The following KCNK16 variants were observed in gnomAD, a reference collection of about 807,000 sequenced individuals.
The protein encoded by KCNK16 is potassium channel subfamily K member 16.
KCNK16 carries 23 observed loss-of-function variants against 23.0 expected under a neutral mutation model. The ratio of observed to expected loss-of-function variants is 1.00; its 90% CI spans 0.72 to 1.41. The LOEUF is 1.41. KCNK16 is among the 40% of genes most tolerant of loss of function. The pLI, the probability that KCNK16 is intolerant of heterozygous loss-of-function variation, is 0.00. For missense variants in KCNK16, 327 were observed against 365.8 expected, an observed-to-expected ratio of 0.89 and a Z score of 0.87; for synonymous variants, 145 against 153.5, an observed-to-expected ratio of 0.94 and a Z score of 0.41.
chr6:39,315,540 G>A (rs1762279226), downstream of KCNK16: 3 of 971,896 alleles, frequency 3.1e-6, no homozygotes, highest in South Asian at 5.3e-5. Flanking sequence ...GAGCTGGCGA[G>A]CTTTGAGAGG....
Position 39,319,746 on chromosome 6 carries a change from A to AGTGTGTGTGTGTGT in KCNK16, c.214-627_214-614dup, listed in dbSNP as rs146841804. ...GGCCAAGACAAAGGTGGCACGTGTG[A>AGTGTGTGTGTGTGT]GTGTGTGTGTGTGTGTGTGTGTGTG... On this transcript the variant is annotated intron_variant, in intron 1 of 4. Coordinates refer to ENST00000437525, the MANE Select transcript of KCNK16 (RefSeq NM_001135106.2). The surrounding 1 kb of genome is among the most constrained non-coding windows in gnomAD (Gnocchi z 4.2). Among the ~76,000 whole-genome samples, 1 of 148,276 alleles carries AGTGTGTGTGTGTGT rather than the reference A, an allele frequency of 6.7e-6. No individual in the cohort carries two copies.
chr6:39,322,137 A>G (rs1029677077), intron 1 of KCNK16, among the ~76,000 whole-genome samples, 191 bp downstream of exon 1: 13 of 152,242 alleles, frequency 8.5e-5, no homozygotes, highest in African/African-American at 3.1e-4. Context: ...GTTCAAGGTC[A>G]CACATCAATC....
chr6:39,314,819 T>C (rs1330258069), downstream of KCNK16: 2 of 630,450 alleles, frequency 3.2e-6, no homozygotes, highest in Non-Finnish European at 5.5e-6. Flanking sequence ...CTCCCACACC[T>C]CTGTCCTTTC....
Position 39,322,330 on chromosome 6 carries a change from G to C in KCNK16, c.211C>G (p.Gln71Glu). ...LDQWAMEQFV[Q>E]VIMEAWVKGV... The stretch of plus-strand genomic sequence containing the variant: ...AATCCCACATCGCTCCCCTTCACCT[G>C]CACAAACTGCTCCATGGCCCACTGG... The change falls in exon 1 of 5, where the codon CAG becomes GAG. Residue 71 changes from glutamine (Q) to glutamate (E), a missense_variant and splice_region_variant. By Grantham distance (29) the Gln-to-Glu change is conservative. Transcript: ENST00000437525. 6.2e-7 allele frequency: 1 copy of C among 1,612,028 alleles called. No homozygotes were observed. Among genetic ancestry groups the C allele is most frequent in the Non-Finnish European group, 8.5e-7 (1 of 1,178,296 alleles).
chr6:39,317,671 AG>A, intron 3 of KCNK16, 114 bp downstream of exon 3: 1 of 1,157,926 alleles, frequency 8.6e-7, no homozygotes. Flanking sequence ...CCTCTTTCAC[AG>A]GCATCTACCC....
At chr6:39,317,474 G>A (rs1762361089) in intron 3 of KCNK16, among the ~76,000 whole-genome samples, 1 of 152,222 alleles carries the variant, frequency 6.6e-6, no homozygotes, top group African/African-American at 2.4e-5. Context: ...TGGCCTAGGG[G>A]CATACCCTTC....
In KCNK16 at chr6:39,316,192, G is replaced by A; in HGVS notation, c.*27C>T. On this transcript the variant is annotated 3_prime_UTR_variant, in exon 5 of 5. Coordinates refer to ENST00000437525, the MANE Select transcript of KCNK16 (RefSeq NM_001135106.2). ...TAGGGTGGGACTGGGGAGGATGAAAGGGGTTTCTGGGCCCCCCCCGGGGGC... is the reference window on the plus strand; with the variant it reads ...TAGGGTGGGACTGGGGAGGATGAAAAGGGTTTCTGGGCCCCCCCCGGGGGC... 2.0e-6 allele frequency: 3 copies of A among 1,496,654 alleles called. No individual in the cohort carries two copies. The highest frequency in any genetic ancestry group is 2.4e-4 in the Middle Eastern group (1 of 4,208). 92.7% of individuals were successfully genotyped at this position (1,496,654 alleles called of 1,614,324 possible).
At chr6:39,320,761 T>C (rs529469486) in intron 1 of KCNK16, among the ~76,000 whole-genome samples, 20 of 152,266 alleles carry the variant, frequency 1.3e-4, no homozygotes, top group Admixed American at 1.1e-3. Flanking sequence ...TCCTTTCGTC[T>C]TGGTTAGCAG....
upstream of KCNK16, chr6:39,322,807 C>A: frequency 2.1e-6 from 1 of 473,978 alleles, no homozygotes; most frequent in South Asian, 3.7e-5. Context: ...TGTCAGGGAC[C>A]CTTCAAAGAG....
intron 2 of KCNK16, 29 bp downstream of exon 2, chr6:39,318,990 G>T: frequency 6.7e-7 from 1 of 1,482,704 alleles, no homozygotes; most frequent in Non-Finnish European, 9.4e-7. Context: ...GGGGCCTTGG[G>T]GAAGCTCTTC....
In KCNK16 at chr6:39,317,919, C is replaced by T. The variant is rs752291230; in HGVS notation, c.362G>A (p.Gly121Asp). 5 of 1,611,898 alleles carry T rather than the reference C, an allele frequency of 3.1e-6. No homozygotes were observed. The highest frequency in any genetic ancestry group is 1.6e-4 in the Middle Eastern group (1 of 6,074). Residue 121 changes from glycine to aspartate, a missense_variant, in exon 3 of 5, where the codon GGT (glycine) becomes GAT (aspartate). Transcript: ENST00000437525. ...GGCATAGAAGACACAGAAGACCTGA[C>T]CTGCCTCTGTGCTGGGTGCCAGGTT... ...YGNLAPSTEA[G>D]QVFCVFYALL...
Position 39,316,252 on chromosome 6 carries a change from G to A in KCNK16, c.852C>T (p.Leu284=). 6.4e-7 allele frequency: 1 copy of A among 1,566,506 alleles called. No individual in the cohort carries two copies. Among genetic ancestry groups the A allele is most frequent in the Non-Finnish European group, 8.6e-7 (1 of 1,156,266 alleles). The change falls in exon 5 of 5, where the codon CTC becomes CTT. Residue 284 remains leucine (L), a synonymous_variant. Transcript: ENST00000437525. ...AGATGGGGATCTTCTGAGGCCTGGG[G>A]AGCCCACTGGGGTCAGAGGCTGCCC... ...KDGAASDPSG[L]PRPQKIPISA
rs982654719 is a variant in KCNK16 at position 39,317,657 on chromosome 6, C to G, written c.495+129G>C. 2.8e-6 allele frequency: 3 copies of G among 1,059,004 alleles called. No homozygotes were observed. The African/African-American group carries it at 4.9e-5, about 17-fold the overall frequency. 65.6% of individuals were successfully genotyped at this position (1,059,004 alleles called of 1,614,324 possible). A position where few individuals can be genotyped will look rare whatever the true frequency, so the allele number is the denominator to read the frequency against. Reference sequence around the variant, plus strand: ...CCACTCTGCCCAACCCTGCCTTCACCCTTCCTCTTTCACAGGCATCTACCC... The same window carrying G: ...CCACTCTGCCCAACCCTGCCTTCACGCTTCCTCTTTCACAGGCATCTACCC... On this transcript the variant is annotated intron_variant, in intron 3 of 4. Transcript: ENST00000437525.
Position 39,322,415 on chromosome 6 carries a change from C to T in KCNK16, c.126G>A (p.Gln42=). ...FQLLERQAEA[Q]SRDQFQLEKL... ...TCTCCAACTGAAACTGGTCCCTGGA[C>T]TGAGCCTCCGCCTGCCTCTCTAGCA... The change falls in exon 1 of 5, where the codon CAG becomes CAA. Residue 42 remains glutamine (Q), a synonymous_variant. Transcript: ENST00000437525. The T allele has an allele frequency of 1.2e-6, 2 of 1,613,922 alleles. No homozygotes were observed. Among genetic ancestry groups the T allele is most frequent in the Non-Finnish European group, 1.7e-6 (2 of 1,179,978 alleles).
rs1762554437 is a variant in KCNK16 at position 39,322,581 on chromosome 6, G to C, written c.-41C>G. The C allele has an allele frequency of 1.9e-6, 3 of 1,540,976 alleles. No homozygotes were observed. Among genetic ancestry groups the C allele is most frequent in the Non-Finnish European group, 2.6e-6 (3 of 1,147,674 alleles). On this transcript the variant is annotated 5_prime_UTR_variant, in exon 1 of 5. Transcript: ENST00000437525. ...CTGCCAGGGCCGTGGGGCTGGCTATGGGGGAGAGGTGGGAAACAGGTGAGG... is the reference window on the plus strand; with the variant it reads ...CTGCCAGGGCCGTGGGGCTGGCTATCGGGGAGAGGTGGGAAACAGGTGAGG...
At position 39,319,449 on chromosome 6, in the gene KCNK16, G is replaced by A. The variant is rs985176044; in HGVS notation, c.214-316C>T. Among the ~76,000 whole-genome samples, 6 of 152,082 alleles carry A rather than the reference G, an allele frequency of 3.9e-5. No individual in the cohort carries two copies. The highest frequency in any genetic ancestry group is 2.0e-4 in the Admixed American group (3 of 15,274). On this transcript the variant is annotated intron_variant, in intron 1 of 4. Transcript: ENST00000437525. This position sits in a 1 kb window ranked among gnomAD's most constrained non-coding sequence, Gnocchi z 4.2. ...GTGAGGTGGAGGATGCTCAGGGAGG[G>A]GTCCCGTGGGAGATGCTGCTGGTGG...
At chr6:39,316,647 A>G (rs1762329665) in intron 4 of KCNK16, 135 bp downstream of exon 4, 1 of 1,237,162 alleles carries the variant, frequency 8.1e-7, no homozygotes, top group African/African-American at 1.5e-5. Flanking sequence ...GTAGTCCCAG[A>G]AATCATTGGT....
Position 39,322,348 on chromosome 6 carries a change from C to T in KCNK16, c.193G>A (p.Ala65Thr). ...TTCACCTGCACAAACTGCTCCATGGCCCACTGGTCCAGGCAGGTGTAGTTC... is the reference window on the plus strand; with the variant it reads ...TTCACCTGCACAAACTGCTCCATGGTCCACTGGTCCAGGCAGGTGTAGTTC... ...LENYTCLDQW[A>T]MEQFVQVIME... The change falls in exon 1 of 5, where the codon GCC becomes ACC. Residue 65 changes from alanine (A) to threonine (T), a missense_variant. Ala to Thr is a moderately conservative substitution (Grantham distance 58). Coordinates refer to ENST00000437525, the MANE Select transcript of KCNK16 (RefSeq NM_001135106.2). 1.2e-6 allele frequency: 2 copies of T among 1,613,652 alleles called. No homozygotes were observed. The highest frequency in any genetic ancestry group is 1.7e-6 in the Non-Finnish European group (2 of 1,179,562).
At chr6:39,321,984 G>T (rs1406438423) in intron 1 of KCNK16, among the ~76,000 whole-genome samples, 1 of 152,230 alleles carries the variant, frequency 6.6e-6, no homozygotes, top group African/African-American at 2.4e-5. Context: ...CGTTGATAAC[G>T]CTGACATATA....
Sources: gnomAD v4.1 joint callset for allele counts (sites outside exome capture counted in the v4.1 genomes callset) on GRCh38, gnomAD v4.1.1 for gene constraint, Gnocchi (gnomAD v3.1) non-coding constraint, MANE v1.5 for transcripts, NCBI Gene and HGNC (gene_info 2026-07-23, HGNC 2026-07-21) for gene names.